GNG4: variants seen among roughly 807,000 people sequenced by gnomAD.
GNG4 encodes the protein guanine nucleotide-binding protein G(I)/G(S)/G(O) subunit gamma-4.
Under a neutral mutation model 5.8 loss-of-function variants are expected in GNG4, and 4 were observed. The observed-to-expected ratio is 0.69, with a 90% CI of 0.34 to 1.57. The LOEUF is 1.57. Among genes scored for constraint, GNG4 ranks in the 40% most tolerant of loss-of-function variants. The pLI, the probability that GNG4 is intolerant of heterozygous loss-of-function variation, is 0.06. For missense variants in GNG4, 96 were observed against 95.1 expected (o/e 1.01, Z -0.04); for synonymous variants, 29 against 32.9 (o/e 0.88, Z 0.41).
At position 235,649,292 on chromosome 1, in the gene GNG4, C is replaced by T. The variant is rs1407329435; in HGVS notation, c.-123+370G>A. Among the ~76,000 whole-genome samples the T allele has an allele frequency of 6.6e-6, 1 of 152,218 alleles. No individual in the cohort carries two copies. Among genetic ancestry groups the T allele is most frequent in the Non-Finnish European group, 1.5e-5 (1 of 68,028 alleles). The stretch of plus-strand genomic sequence containing the variant: ...GGTCCTTTTCCACGGGGGACGTCCC[C>T]GCTGGGAAAACAGCAAACGCTCTGT... On this transcript the variant is annotated intron_variant, in intron 1 of 3. Transcript: ENST00000391854. This position sits in a 1 kb window ranked among gnomAD's most constrained non-coding sequence, Gnocchi z 5.7.
rs138790921 is a variant in GNG4, at chr1:235,628,044, G to C, written c.-123+21618C>G. On this transcript the variant is annotated intron_variant, in intron 1 of 3. Transcript: ENST00000391854. ...ACAAATACAAAATTAGCTGGGCGTG[G>C]TGGCACACACCTGTAATCCCAGCTA... Among the ~76,000 whole-genome samples the C allele has an allele frequency of 1.5e-4, 23 of 152,268 alleles. No individual in the cohort carries two copies. In the East Asian group the frequency reaches 4.1e-3, roughly 27 times the overall value.
chr1:235,627,641 C>T (rs1688843735), intron 1 of GNG4, among the ~76,000 whole-genome samples: 1 of 152,158 alleles, frequency 6.6e-6, no homozygotes, highest in South Asian at 2.1e-4. Flanking sequence ...CAGGAACCAG[C>T]TGCGGCAGTC....
chr1:235,644,126 T>G lies in GNG4; in HGVS notation c.-123+5536A>C, dbSNP rs1657433823. ...ACTGAAAGGTTGATGGGTACAGCCT[T>G]CCAGAGACAGGGCTGGGTGGCGGGA... On this transcript the variant is annotated intron_variant, in intron 1 of 3. Transcript: ENST00000391854. This position sits in a 1 kb window ranked among gnomAD's most constrained non-coding sequence, Gnocchi z 5.9. Among the ~76,000 whole-genome samples, 1 of 152,044 alleles carries G rather than the reference T, an allele frequency of 6.6e-6. No individual in the cohort carries two copies. Among genetic ancestry groups the G allele is most frequent in the Non-Finnish European group, 1.5e-5 (1 of 67,990 alleles).
intron 1 of GNG4, among the ~76,000 whole-genome samples, chr1:235,603,613 C>A (rs16832720): frequency 2.6e-5 from 4 of 152,062 alleles, no homozygotes; most frequent in African/African-American, 9.7e-5. Context: ...AAGCTTGATA[C>A]ATTTTACAGT....
chr1:235,577,598 G>T (rs749858687), intron 3 of GNG4, among the ~76,000 whole-genome samples: 1 of 152,004 alleles, frequency 6.6e-6, no homozygotes, highest in Non-Finnish European at 1.5e-5. Flanking sequence ...GTGCCACCAC[G>T]CCCGGCTAAG....
intron 2 of GNG4, among the ~76,000 whole-genome samples, chr1:235,593,998 T>G (rs1312490226): frequency 2.0e-5 from 3 of 152,344 alleles, no homozygotes; most frequent in East Asian, 3.9e-4. Context: ...TACATCCTGC[T>G]GAATGGTCCA....
chr1:235,631,643 TC>T (rs1382017419), intron 1 of GNG4, among the ~76,000 whole-genome samples: 9 of 151,710 alleles, frequency 5.9e-5, no homozygotes, highest in African/African-American at 2.2e-4. Flanking sequence ...CTATCTTGGC[TC>T]AGTGCAACCT....
At chr1:235,629,721 C>T (rs777500168) in intron 1 of GNG4, among the ~76,000 whole-genome samples, 2 of 151,852 alleles carry the variant, frequency 1.3e-5, no homozygotes, top group East Asian at 1.9e-4. Flanking sequence ...TTCAGCGTCC[C>T]GAGTAGCTGG....
intron 3 of GNG4, among the ~76,000 whole-genome samples, chr1:235,559,055 T>C (rs184749831): frequency 6.6e-6 from 1 of 152,350 alleles, no homozygotes; most frequent in African/African-American, 2.4e-5. Context: ...ATAATTATTA[T>C]TGTGGCTGTG....
chr1:235,641,957 ACTT>A (rs1269109396), intron 1 of GNG4, among the ~76,000 whole-genome samples: 1 of 151,966 alleles, frequency 6.6e-6, no homozygotes, highest in African/African-American at 2.4e-5. Flanking sequence ...TGATTTTCTG[ACTT>A]CTTATCATTG....
chr1:235,599,611 C>CA (rs2102960216), intron 1 of GNG4, among the ~76,000 whole-genome samples: 1 of 152,238 alleles, frequency 6.6e-6, no homozygotes, highest in South Asian at 2.1e-4. Flanking sequence ...GCATTGCACC[C>CA]AGCCGAATCT....
At position 235,550,119 on chromosome 1, in the gene GNG4, T is replaced by G. The variant is rs1686701404; in HGVS notation, c.*1990A>C. 4 of 152,208 alleles carry G rather than the reference T, an allele frequency of 2.6e-5. No homozygotes were observed. Among genetic ancestry groups the G allele is most frequent in the Admixed American group, 2.6e-4 (4 of 15,284 alleles). 9.4% of individuals were successfully genotyped at this position (152,208 alleles called of 1,614,324 possible). A position where few individuals can be genotyped will look rare whatever the true frequency, so the allele number is the denominator to read the frequency against. ...CTGCTCCCACTGTGTATTCTCCTCT[T>G]TCATCGGGATCATATGAGTTTGGTT... On this transcript the variant is annotated 3_prime_UTR_variant, in exon 4 of 4. Coordinates refer to ENST00000391854, the MANE Select transcript of GNG4 (RefSeq NM_001098722.2).
intron 1 of GNG4, among the ~76,000 whole-genome samples, chr1:235,601,070 T>A (rs915893582): frequency 1.3e-5 from 2 of 152,240 alleles, no homozygotes; most frequent in African/African-American, 4.8e-5. Flanking sequence ...CTAAATTAAC[T>A]CTGGGTTGTG....
chr1:235,564,104 G>A (rs560603409), intron 3 of GNG4, among the ~76,000 whole-genome samples: 1 of 152,174 alleles, frequency 6.6e-6, no homozygotes, highest in Non-Finnish European at 1.5e-5. Flanking sequence ...GAATGAAATT[G>A]TGTCCTTTGC....
At chr1:235,620,581 A>G (rs550760241) in intron 1 of GNG4, among the ~76,000 whole-genome samples, 133 of 152,068 alleles carry the variant, frequency 8.7e-4, no homozygotes, top group South Asian at 7.1e-3. Flanking sequence ...TATTGCCCAG[A>G]CTGGAGTGCA....
intron 3 of GNG4, among the ~76,000 whole-genome samples, chr1:235,564,861 T>G (rs1183242708): frequency 6.6e-6 from 1 of 152,126 alleles, no homozygotes; most frequent in African/African-American, 2.4e-5. Context: ...TATTTTGGTA[T>G]TCTTAGTAGA....
intron 1 of GNG4, among the ~76,000 whole-genome samples, chr1:235,600,100 C>CATTTTTTTTTTTTTTTTTT (rs1688222477): frequency 4.6e-5 from 2 of 43,128 alleles, no homozygotes; most frequent in Non-Finnish European, 8.2e-5. Context: ...CGGAAGAAAG[C>CATTTTTTTTTTTTTTTTTT]TTTTTTTTTT....
rs1688306284 is a variant in GNG4, at chr1:235,603,968, A to C, written c.-122-8457T>G. On this transcript the variant is annotated intron_variant, in intron 1 of 3. Transcript: ENST00000391854. ...AGATCCACCTTCCGTGGGACCCTTC[A>C]CGCTATCCACTCCCTCACCTAGCTG... Among the ~76,000 whole-genome samples the C allele has an allele frequency of 3.3e-5, 5 of 152,272 alleles. No individual in the cohort carries two copies. The South Asian group carries it at 1.0e-3, about 32-fold the overall frequency.
At chr1:235,554,549 T>A (rs1005747781) in intron 3 of GNG4, among the ~76,000 whole-genome samples, 4 of 152,062 alleles carry the variant, frequency 2.6e-5, no homozygotes, top group Non-Finnish European at 5.9e-5. Context: ...GGAGTTCCGT[T>A]TAAGAATGGC....
Sources: gnomAD v4.1 joint callset for allele counts (sites outside exome capture counted in the v4.1 genomes callset) on GRCh38, gnomAD v4.1.1 for gene constraint, Gnocchi (gnomAD v3.1) non-coding constraint, MANE v1.5 for transcripts, NCBI Gene and HGNC (gene_info 2026-07-23, HGNC 2026-07-21) for gene names.